The following SFXN5 variants were observed in gnomAD, a reference collection of about 807,000 sequenced individuals.
SFXN5 encodes sideroflexin-5.
A neutral mutation model predicts 50.2 loss-of-function variants in SFXN5; 43 were observed. The ratio of observed to expected loss-of-function variants is 0.86; its 90% CI spans 0.67 to 1.11. The LOEUF (loss-of-function observed/expected upper bound fraction) is 1.11, where lower values mean the gene tolerates loss of function less well. SFXN5 is among the 50% of genes least tolerant of loss of function. The pLI, the probability that SFXN5 is intolerant of heterozygous loss-of-function variation, is 0.00. For missense variants in SFXN5, 463 were observed against 454.1 expected (o/e 1.02, Z -0.18); for synonymous variants, 203 against 185.8 (o/e 1.09, Z -0.75).
intron 2 of SFXN5, among the ~76,000 whole-genome samples, chr2:73,043,215 T>C (rs1467453617): frequency 6.6e-6 from 1 of 152,270 alleles, no homozygotes; most frequent in Non-Finnish European, 1.5e-5. Context: ...GCGAAGCTGC[T>C]GTGTTCCCCT....
rs762720825 is a variant in SFXN5, at chr2:72,945,050, C to T, written c.995G>A (p.Arg332Gln). The T allele has an allele frequency of 2.0e-5, 32 of 1,613,848 alleles. No individual in the cohort carries two copies. Among genetic ancestry groups the T allele is most frequent in the Middle Eastern group, 3.3e-4 (2 of 6,082 alleles). Residue 332 changes from arginine to glutamine, a missense_variant, in exon 14 of 14, where the codon CGG (arginine) becomes CAG (glutamine). By Grantham distance (43) the Arg-to-Gln change is conservative. Transcript: ENST00000272433. The surrounding 1 kb of genome is among the most constrained non-coding windows in gnomAD (Gnocchi z 5.8). ...CAACCCCTTGTTGTACACCACTGTC[C>T]GGCTGCTCGTGGCCTGGGCTATCTC... is the stretch of plus-strand genomic sequence containing the variant. ...EPEIAQATSS[R>Q]TVVYNKGL is the part of the protein sequence containing the mutation.
chr2:72,951,494 T>C (rs895607771), intron 13 of SFXN5, among the ~76,000 whole-genome samples: 3 of 152,058 alleles, frequency 2.0e-5, no homozygotes, highest in Non-Finnish European at 2.9e-5. Context: ...AGGAATGCAT[T>C]TGGGGCCACC....
chr2:72,968,775 C>T (rs13029888), intron 11 of SFXN5, among the ~76,000 whole-genome samples: 16 of 150,922 alleles, frequency 1.1e-4, no homozygotes, highest in Non-Finnish European at 2.2e-4. Flanking sequence ...TCTTTCCTCT[C>T]TCTTTCTTTC....
chr2:73,040,395 C>T (rs570028070), intron 3 of SFXN5, among the ~76,000 whole-genome samples: 1 of 152,300 alleles, frequency 6.6e-6, no homozygotes, highest in African/African-American at 2.4e-5. Context: ...CCTCAACATC[C>T]TCCCCCATCC....
chr2:73,009,161 C>T (rs1574105314), intron 6 of SFXN5, among the ~76,000 whole-genome samples: 1 of 152,224 alleles, frequency 6.6e-6, no homozygotes. Flanking sequence ...TTAGTGGCTT[C>T]TGCATGCGTA....
rs538223948 is a variant in SFXN5 at position 73,058,319 on chromosome 2, A to G, written c.171+209T>C. ...CCAAATGATATAATGTAAAAAGCAT[A>G]CAGCACAATGTATCAACTCAGATAC... is the stretch of plus-strand genomic sequence containing the variant. On this transcript the variant is annotated intron_variant, in intron 2 of 13. Transcript: ENST00000272433. The G allele has an allele frequency of 2.2e-5, 11 of 509,392 alleles. No homozygotes were observed. In the East Asian group the frequency reaches 3.3e-4, roughly 15 times the overall value. 31.6% of individuals were successfully genotyped at this position (509,392 alleles called of 1,614,324 possible).
chr2:73,038,929 A>G (rs990521496), intron 3 of SFXN5, among the ~76,000 whole-genome samples: 5 of 152,210 alleles, frequency 3.3e-5, no homozygotes, highest in African/African-American at 1.2e-4. Context: ...TTTCAGTTCC[A>G]TTATCATCTA....
chr2:73,050,670 T>G (rs1031345938), intron 2 of SFXN5, among the ~76,000 whole-genome samples: 3 of 152,166 alleles, frequency 2.0e-5, no homozygotes, highest in Non-Finnish European at 4.4e-5. Flanking sequence ...TGTGGCAACC[T>G]CAAAGATCTG....
At chr2:72,964,444 A>C (rs1674135734) in intron 12 of SFXN5, among the ~76,000 whole-genome samples, 1 of 152,236 alleles carries the variant, frequency 6.6e-6, no homozygotes, top group Non-Finnish European at 1.5e-5. Context: ...GCCCCAACAA[A>C]CAAGGTGATG....
At chr2:73,054,523 GGGA>G (rs1287217217) in intron 2 of SFXN5, among the ~76,000 whole-genome samples, 1 of 152,174 alleles carries the variant, frequency 6.6e-6, no homozygotes, top group East Asian at 1.9e-4. Flanking sequence ...ATCCGAGAAT[GGGA>G]GGAGGAGGGA....
intron 5 of SFXN5, among the ~76,000 whole-genome samples, chr2:73,020,541 C>A (rs148659000): frequency 2.0e-5 from 3 of 152,184 alleles, no homozygotes; most frequent in Non-Finnish European, 4.4e-5. Flanking sequence ...GGGCTGCCTG[C>A]GACCTGGGGC....
chr2:72,991,389 G>A (rs369264378), intron 9 of SFXN5, among the ~76,000 whole-genome samples: 10 of 152,386 alleles, frequency 6.6e-5, no homozygotes, highest in African/African-American at 1.9e-4. Context: ...ACGTGCCTGC[G>A]CCCAAGAAAG....
intron 1 of SFXN5, chr2:73,071,382 T>C (rs1037915839): frequency 3.8e-6 from 2 of 527,532 alleles, no homozygotes; most frequent in Admixed American, 7.2e-5. Flanking sequence ...AGTCGGGGAG[T>C]GACGGCGCCA....
At chr2:72,996,523 T>C (rs2105652206) in intron 9 of SFXN5, 1 of 153,134 alleles carries the variant, frequency 6.5e-6, no homozygotes, top group Middle Eastern at 3.4e-3. Flanking sequence ...TTTTTTTTTT[T>C]TTTGAGACAG....
chr2:72,988,481 CT>C (rs1396919312), intron 9 of SFXN5, 133 bp from the exon 10 acceptor site: 1 of 770,980 alleles, frequency 1.3e-6, no homozygotes, highest in South Asian at 1.7e-5. Flanking sequence ...CCTCACACCC[CT>C]AATCCTCAGC....
At chr2:73,020,150 A>G (rs1574136446) in intron 6 of SFXN5, 89 bp downstream of exon 6, 1 of 1,240,968 alleles carries the variant, frequency 8.1e-7, no homozygotes, top group Non-Finnish European at 1.2e-6. Context: ...TAAATCAACA[A>G]TTCAGTCAAA....
intron 1 of SFXN5, chr2:73,058,966 C>G (rs1209284060): frequency 2.6e-6 from 2 of 778,080 alleles, no homozygotes; most frequent in East Asian, 1.9e-4. Flanking sequence ...CCCAGCCTCC[C>G]TGCCTTGCTC....
chr2:73,052,509 C>G (rs1449642120), intron 2 of SFXN5, among the ~76,000 whole-genome samples: 1 of 152,064 alleles, frequency 6.6e-6, no homozygotes, highest in Non-Finnish European at 1.5e-5. Context: ...TTCTCCCCAT[C>G]AGTATAATTA....
At chr2:73,065,866 T>C (rs1357325944) in intron 1 of SFXN5, among the ~76,000 whole-genome samples, 1 of 152,228 alleles carries the variant, frequency 6.6e-6, no homozygotes, top group Non-Finnish European at 1.5e-5. Context: ...TGGACAACAA[T>C]TTATTTACAG....
Sources: allele counts gnomAD v4.1 joint callset (sites outside exome capture counted in the v4.1 genomes callset), GRCh38; gene constraint gnomAD v4.1.1; non-coding constraint Gnocchi (gnomAD v3.1); transcripts MANE v1.5; gene names NCBI Gene and HGNC (gene_info 2026-07-23, HGNC 2026-07-21).